Variants in ILRUN observed in about 807,000 individuals in gnomAD.
The protein encoded by ILRUN is protein ILRUN.
ILRUN carries 3 observed loss-of-function variants against 33.8 expected under a neutral mutation model. The ratio of observed to expected loss-of-function variants is 0.09; its 90% CI spans 0.04 to 0.23. ILRUN has a LOEUF of 0.23. Ranked by LOEUF, ILRUN falls within the 10% of genes least tolerant of loss-of-function variation. ILRUN has a pLI of 1.00. For synonymous variants in ILRUN, 124 were observed against 138.9 expected (o/e 0.89, Z 0.75); for missense variants, 210 against 375.1 (o/e 0.56, Z 3.64).
At chr6:34,615,108 A>G (rs1761855863) in intron 3 of ILRUN, among the ~76,000 whole-genome samples, 1 of 152,188 alleles carries the variant, frequency 6.6e-6, no homozygotes, top group Non-Finnish European at 1.5e-5. Flanking sequence ...TCTGGAGTTT[A>G]ATTAATAGTA....
In ILRUN at chr6:34,589,494, CAG is replaced by C. The variant is rs1761256329; in HGVS notation, c.*1069_*1070del. ...CGCCACTAACAGGCTGTGAAAATAT[CAG>C]AGGACAACTGAAGAGAAACAGGGAA... On this transcript the variant is annotated 3_prime_UTR_variant, in exon 5 of 5. Coordinates refer to ENST00000374023, the MANE Select transcript of ILRUN (RefSeq NM_024294.4). 6.6e-6 allele frequency: 1 copy of C among 152,246 alleles called. No homozygotes were observed. Among genetic ancestry groups the C allele is most frequent in the South Asian group, 2.1e-4 (1 of 4,834 alleles). The allele number at this position is 152,246 out of a possible 1,614,324, so 9.4% of individuals were successfully genotyped here. A position where few individuals can be genotyped will look rare whatever the true frequency, so the allele number is the denominator to read the frequency against.
At chr6:34,650,454 A>G (rs1297423166) in intron 2 of ILRUN, among the ~76,000 whole-genome samples, 2 of 136,138 alleles carry the variant, frequency 1.5e-5, no homozygotes, top group Non-Finnish European at 3.2e-5. Flanking sequence ...TTTATTTATG[A>G]GTCGGAGTCT....
rs938960452 is a variant in ILRUN, at chr6:34,657,282, G to A, written c.159-2503C>T. On this transcript the variant is annotated intron_variant, in intron 1 of 4. Coordinates refer to ENST00000374023, the MANE Select transcript of ILRUN (RefSeq NM_024294.4). ...GTTTTGGAGGGAAGAAACTATTTGTGCACTCAGGACAATTGCCAATTCTCA... is the reference window on the plus strand; with the variant it reads ...GTTTTGGAGGGAAGAAACTATTTGTACACTCAGGACAATTGCCAATTCTCA... 4.8e-4 allele frequency among the ~76,000 whole-genome samples: 73 copies of A among 152,278 alleles called. 1 individual carries two copies. The highest frequency in any genetic ancestry group is 1.7e-3 in the African/African-American group (69 of 41,566).
intron 4 of ILRUN, among the ~76,000 whole-genome samples, chr6:34,594,231 G>A (rs561491044): frequency 2.0e-5 from 3 of 152,150 alleles, no homozygotes; most frequent in African/African-American, 4.8e-5. Context: ...CAGATAAAGG[G>A]GCATATGCAT....
intron 1 of ILRUN, among the ~76,000 whole-genome samples, chr6:34,675,877 A>G (rs1213488976): frequency 6.6e-6 from 1 of 152,192 alleles, no homozygotes; most frequent in Non-Finnish European, 1.5e-5. Flanking sequence ...TTACAGAAAA[A>G]CAAATTAAAA....
intron 1 of ILRUN, among the ~76,000 whole-genome samples, chr6:34,687,821 T>A (rs1763557202): frequency 1.3e-5 from 2 of 151,368 alleles, no homozygotes; most frequent in Non-Finnish European, 1.5e-5. Context: ...GACCAACTCA[T>A]ACACCGCGGT....
intron 4 of ILRUN, among the ~76,000 whole-genome samples, chr6:34,597,588 C>A (rs1458125610): frequency 2.0e-5 from 3 of 152,212 alleles, no homozygotes; most frequent in Non-Finnish European, 1.5e-5. Flanking sequence ...AATTAATTGA[C>A]AGGCATCAGC....
At chr6:34,690,352 T>C (rs2127390836) in intron 1 of ILRUN, among the ~76,000 whole-genome samples, 1 of 152,144 alleles carries the variant, frequency 6.6e-6, no homozygotes, top group South Asian at 2.1e-4. Context: ...TCCCAGCTAC[T>C]TGGGAGGCTG....
At chr6:34,658,492 T>C (rs998417385) in intron 1 of ILRUN, among the ~76,000 whole-genome samples, 1 of 142,540 alleles carries the variant, frequency 7.0e-6, no homozygotes, top group African/African-American at 2.5e-5. Context: ...TTCTTTTTCT[T>C]TTTTTTTTTT....
chr6:34,593,336 C>G (rs193164530), intron 4 of ILRUN, among the ~76,000 whole-genome samples: 45 of 152,378 alleles, frequency 3.0e-4, no homozygotes, highest in Admixed American at 2.6e-3. Context: ...CTACACACTT[C>G]ATGTGGGCCT....
intron 1 of ILRUN, among the ~76,000 whole-genome samples, chr6:34,656,227 C>A (rs1365826813): frequency 7.2e-6 from 1 of 138,094 alleles, no homozygotes; most frequent in Non-Finnish European, 1.5e-5. Context: ...CAGTGCCAGA[C>A]TCCGTCTCAA....
chr6:34,642,573 G>A (rs979128143), intron 3 of ILRUN, among the ~76,000 whole-genome samples: 5 of 152,144 alleles, frequency 3.3e-5, no homozygotes, highest in African/African-American at 9.7e-5. Context: ...CTACCAAGAG[G>A]TGGAAGTGGG....
chr6:34,594,401 C>G (rs995554758), intron 4 of ILRUN, among the ~76,000 whole-genome samples: 2 of 152,146 alleles, frequency 1.3e-5, no homozygotes, highest in African/African-American at 4.8e-5. Flanking sequence ...CTGATTTATC[C>G]ATGCTAACGG....
chr6:34,692,811 G>C lies in ILRUN; in HGVS notation c.158+3635C>G, dbSNP rs78248123. 2.8e-4 allele frequency among the ~76,000 whole-genome samples: 43 copies of C among 152,102 alleles called. No individual in the cohort carries two copies. In the East Asian group the frequency reaches 7.5e-3, roughly 27 times the overall value. ...TTGTAATTCAGATGCGTGATGATTG[G>C]GTGTTTACATGCATGTATGAGACGT... On this transcript the variant is annotated intron_variant, in intron 1 of 4. Coordinates refer to ENST00000374023, the MANE Select transcript of ILRUN (RefSeq NM_024294.4).
chr6:34,616,067 G>A (rs1336019654), intron 3 of ILRUN, among the ~76,000 whole-genome samples: 2 of 152,162 alleles, frequency 1.3e-5, no homozygotes, highest in Non-Finnish European at 2.9e-5. Flanking sequence ...CTTGGGAAGG[G>A]ACCACTTCAA....
chr6:34,693,667 A>ATTT (rs71810129), intron 1 of ILRUN, among the ~76,000 whole-genome samples: 2 of 142,104 alleles, frequency 1.4e-5, no homozygotes, highest in African/African-American at 2.5e-5. Flanking sequence ...GTTTTATTTT[A>ATTT]TTTTATTTTT....
rs988864891 is a variant in ILRUN at position 34,637,575 on chromosome 6, G to A, written c.511+9026C>T. ...TTTCTATACATGTGTATGGTAAGTT[G>A]AGGAGTAAGAAAATTAATTTTAAAG... On this transcript the variant is annotated intron_variant, in intron 3 of 4. Coordinates refer to ENST00000374023, the MANE Select transcript of ILRUN (RefSeq NM_024294.4). Among the ~76,000 whole-genome samples the A allele has an allele frequency of 3.3e-5, 5 of 152,246 alleles. No individual in the cohort carries two copies. In the East Asian group the frequency reaches 9.7e-4, roughly 29 times the overall value.
intron 1 of ILRUN, among the ~76,000 whole-genome samples, chr6:34,682,263 T>TTG (rs1554189585): frequency 1.6e-5 from 2 of 124,928 alleles, no homozygotes; most frequent in East Asian, 2.1e-4. Context: ...TTTTTTTTTT[T>TTG]TTTTTTTTTT....
chr6:34,619,121 A>C (rs778918756), intron 3 of ILRUN, among the ~76,000 whole-genome samples: 2 of 152,196 alleles, frequency 1.3e-5, no homozygotes, highest in Non-Finnish European at 2.9e-5. Flanking sequence ...TGTGAGAGTA[A>C]GAGATCAGGA....
Sources: gnomAD v4.1 joint callset for allele counts (sites outside exome capture counted in the v4.1 genomes callset) on GRCh38, gnomAD v4.1.1 for gene constraint, MANE v1.5 for transcripts, NCBI Gene and HGNC (gene_info 2026-07-23, HGNC 2026-07-21) for gene names.